The following SCLT1 variants were observed in gnomAD, a reference collection of about 807,000 sequenced individuals.
SCLT1 encodes sodium channel-associated protein 1.
A neutral mutation model predicts 112.8 loss-of-function variants in SCLT1; 78 were observed. The observed-to-expected ratio is 0.69, with a 90% confidence interval of 0.58 to 0.83. The LOEUF (loss-of-function observed/expected upper bound fraction) is 0.83. SCLT1 is among the 40% of genes least tolerant of loss of function. The pLI, the probability that SCLT1 is intolerant of heterozygous loss-of-function variation, is 0.00. For synonymous variants in SCLT1, 257 were observed against 254.7 expected, an observed-to-expected ratio of 1.01 and a Z score of -0.09; for missense variants, 747 against 770.4, an observed-to-expected ratio of 0.97 and a Z score of 0.36.
At chr4:129,049,031 G>A (rs1333193904) in intron 2 of SCLT1, among the ~76,000 whole-genome samples, 1 of 151,946 alleles carries the variant, frequency 6.6e-6, no homozygotes, top group Non-Finnish European at 1.5e-5. Context: ...CACTGTTGGT[G>A]GGACTGTAAA....
chr4:128,944,665 C>G (rs929611014), intron 16 of SCLT1: 3 of 152,044 alleles, frequency 2.0e-5, no homozygotes, highest in Admixed American at 6.6e-5. Flanking sequence ...CAAGAGAAAC[C>G]CTTTAAATGA....
chr4:128,935,815 C>T (rs1737134127), intron 18 of SCLT1, among the ~76,000 whole-genome samples: 1 of 152,048 alleles, frequency 6.6e-6, no homozygotes, highest in African/African-American at 2.4e-5. Context: ...TCTCTCTATC[C>T]TCTTTTTCAA....
At chr4:128,911,766 C>T (rs1038726517) in intron 18 of SCLT1, among the ~76,000 whole-genome samples, 1 of 152,128 alleles carries the variant, frequency 6.6e-6, no homozygotes, top group Non-Finnish European at 1.5e-5. Context: ...CATGACTATA[C>T]TTATATTTGG....
At chr4:129,092,069 C>T (rs13148505) in intron 1 of SCLT1, among the ~76,000 whole-genome samples, 13,412 of 152,270 alleles carry the variant, frequency 0.088, 758 homozygotes, top group South Asian at 0.15. Context: ...AGACAACTAA[C>T]TGCACTCTGC....
intron 2 of SCLT1, among the ~76,000 whole-genome samples, chr4:129,078,602 A>T (rs1751666360): frequency 6.6e-6 from 1 of 152,040 alleles, no homozygotes; most frequent in Admixed American, 6.6e-5. Flanking sequence ...TAGCTTCAAG[A>T]CTCTGTGGAC....
intron 9 of SCLT1, among the ~76,000 whole-genome samples, chr4:128,973,500 GAGAGGGAGAGA>G (rs1740881468): frequency 2.6e-5 from 4 of 151,424 alleles, no homozygotes; most frequent in East Asian, 1.9e-4. Flanking sequence ...GAGAGGGAAA[GAGAGGGAGAGA>G]GAAAGAGAGG....
rs566476940 is a variant in SCLT1, at chr4:128,886,291, C to T, written c.2005-1752G>A. On this transcript the variant is annotated intron_variant, in intron 20 of 20. Transcript: ENST00000281142. ...ACATTTAGAGCACAGTGCATCAGCA[C>T]GATTCAGGGCTTGTATTGAACCAGT... is the stretch of plus-strand genomic sequence containing the variant. 1.3e-4 allele frequency among the ~76,000 whole-genome samples: 20 copies of T among 152,200 alleles called. No individual in the cohort carries two copies. In the East Asian group the frequency reaches 3.7e-3, roughly 28 times the overall value.
intron 14 of SCLT1, among the ~76,000 whole-genome samples, chr4:128,951,689 A>G (rs111787187): frequency 7.9e-5 from 12 of 152,300 alleles, no homozygotes; most frequent in African/African-American, 2.9e-4. Context: ...GAAAACAAGC[A>G]AAATAACTGG....
At chr4:128,957,152 A>C in intron 12 of SCLT1, 28 bp from the exon 13 acceptor site, 5 of 1,290,640 alleles carry the variant, frequency 3.9e-6, no homozygotes, top group Non-Finnish European at 5.5e-6. Flanking sequence ...TTCATGTTAT[A>C]GATAACATTA....
chr4:129,011,803 G>C (rs1007475069), intron 5 of SCLT1, among the ~76,000 whole-genome samples: 1 of 152,086 alleles, frequency 6.6e-6, no homozygotes, highest in Non-Finnish European at 1.5e-5. Flanking sequence ...ATTTCTTCTA[G>C]ATATTCTAGT....
At chr4:129,045,359 C>G (rs544318924) in intron 2 of SCLT1, among the ~76,000 whole-genome samples, 3 of 152,098 alleles carry the variant, frequency 2.0e-5, no homozygotes, top group Non-Finnish European at 4.4e-5. Context: ...AACTTCTATA[C>G]AGCTAAAGAC....
intron 1 of SCLT1, among the ~76,000 whole-genome samples, chr4:129,089,201 T>C (rs1417928614): frequency 1.3e-5 from 2 of 152,180 alleles, no homozygotes; most frequent in African/African-American, 2.4e-5. Flanking sequence ...GCAAAGGATA[T>C]AAACAAACAC....
chr4:129,032,983 G>GTATA (rs1486847344), intron 5 of SCLT1, among the ~76,000 whole-genome samples: 1 of 152,100 alleles, frequency 6.6e-6, no homozygotes, highest in Non-Finnish European at 1.5e-5. Context: ...CCATTACTGT[G>GTATA]TATATACCCA....
rs957595512 is a variant in SCLT1, at chr4:129,006,940, T to A, written c.291-3064A>T. Among the ~76,000 whole-genome samples, 18 of 152,362 alleles carry A rather than the reference T, an allele frequency of 1.2e-4. No homozygotes were observed. The East Asian group carries it at 3.5e-3, about 29-fold the overall frequency. ...CGCCTTAGTGGCAACGCCGACGTTA[T>A]GTTATTTTCTTTATTAATCAGTTGA... On this transcript the variant is annotated intron_variant, in intron 5 of 20. Coordinates refer to ENST00000281142, the MANE Select transcript of SCLT1 (RefSeq NM_144643.4).
chr4:128,941,775 TCATTTCA>T (rs1737715141), intron 17 of SCLT1, among the ~76,000 whole-genome samples: 1 of 152,100 alleles, frequency 6.6e-6, no homozygotes, highest in Admixed American at 6.6e-5. Context: ...CTAGAAACTA[TCATTTCA>T]CATTTCACAT....
At position 128,948,558 on chromosome 4, in the gene SCLT1, T is replaced by C; in HGVS notation, c.1231A>G (p.Lys411Glu). The C allele has an allele frequency of 6.2e-7, 1 of 1,605,302 alleles. No individual in the cohort carries two copies. The highest frequency in any genetic ancestry group is 8.5e-7 in the Non-Finnish European group (1 of 1,173,060). The change falls in exon 15 of 21, where the codon AAA becomes GAA. Residue 411 changes from lysine to glutamate, a missense_variant. Lys to Glu is a moderately conservative substitution (Grantham distance 56). Coordinates refer to ENST00000281142, the MANE Select transcript of SCLT1 (RefSeq NM_144643.4). ...LSALQMECAE[K>E]QGQIERVIKE... The stretch of plus-strand genomic sequence containing the variant: ...ATGACTCGTTCAATTTGGCCTTGTT[T>C]TTCAGCACACTCCTATAAATTCAAG...
chr4:128,964,808 G>T (rs1382316917), intron 11 of SCLT1, among the ~76,000 whole-genome samples: 1 of 152,060 alleles, frequency 6.6e-6, no homozygotes, highest in Non-Finnish European at 1.5e-5. Flanking sequence ...GTTACTGAGG[G>T]TCAACTATGT....
chr4:129,006,956 A>C (rs1271817556), intron 5 of SCLT1, among the ~76,000 whole-genome samples: 2 of 152,200 alleles, frequency 1.3e-5, no homozygotes, highest in African/African-American at 4.8e-5. Flanking sequence ...TTTCTTTATT[A>C]ATCAGTTGAA....
chr4:128,909,523 C>G (rs1734934139), intron 18 of SCLT1, among the ~76,000 whole-genome samples: 1 of 152,220 alleles, frequency 6.6e-6, no homozygotes, highest in Admixed American at 6.5e-5. Flanking sequence ...GCTGGGATAA[C>G]AGGTGTGAGC....
Sources: gnomAD v4.1 joint callset for allele counts (sites outside exome capture counted in the v4.1 genomes callset) on GRCh38, gnomAD v4.1.1 for gene constraint, MANE v1.5 for transcripts, NCBI Gene and HGNC (gene_info 2026-07-23, HGNC 2026-07-21) for gene names.